The following SHISA6 variants were observed in gnomAD, a reference collection of about 807,000 sequenced individuals.
SHISA6 encodes shisa family member 6, also known as protein shisa-6.
Under a neutral mutation model 47.9 loss-of-function variants are expected in SHISA6, and 22 were observed. That is an observed-to-expected ratio of 0.46 (90% CI 0.33 to 0.66). The LOEUF is 0.66. Ranked by LOEUF, SHISA6 falls within the 30% of genes least tolerant of loss-of-function variation. The probability of loss-of-function intolerance (pLI) is 0.02; values close to 1 mark genes in which losing one functional copy is unlikely to be tolerated. For missense variants in SHISA6, 680 were observed against 764.6 expected, an observed-to-expected ratio of 0.89 and a Z score of 1.30; for synonymous variants, 388 against 337.8, an observed-to-expected ratio of 1.15 and a Z score of -1.63.
rs73976937 is a variant in SHISA6 at position 11,319,498 on chromosome 17, T to C, written c.799+55972T>C. Among the ~76,000 whole-genome samples the C allele has an allele frequency of 9.3e-3, 1,410 of 152,366 alleles. 19 individuals carry two copies. The highest frequency in any genetic ancestry group is 0.032 in the African/African-American group (1,345 of 41,586). On this transcript the variant is annotated intron_variant, in intron 2 of 5. Transcript: ENST00000441885. ...TTCTGTTTCTTGAGTTCACTCTATC[T>C]TCAGGGATTCTTTAGTTGGTTCGCT...
chr17:11,456,073 C>T (rs1419479419), intron 3 of SHISA6, among the ~76,000 whole-genome samples: 1 of 152,166 alleles, frequency 6.6e-6, no homozygotes, highest in Non-Finnish European at 1.5e-5. Context: ...GTAAACCCAT[C>T]GCTTTACCTT....
At chr17:11,468,520 T>C (rs1431217493) in intron 3 of SHISA6, among the ~76,000 whole-genome samples, 1 of 152,010 alleles carries the variant, frequency 6.6e-6, no homozygotes, top group African/African-American at 2.4e-5. Context: ...ACACTAATCT[T>C]AGGAGAAGGG....
chr17:11,375,411 C>T (rs181212497), intron 2 of SHISA6, among the ~76,000 whole-genome samples: 26 of 152,160 alleles, frequency 1.7e-4, no homozygotes, highest in African/African-American at 4.8e-4. Flanking sequence ...CTTGTGTATC[C>T]GTTCTCTAGT....
chr17:11,468,903 C>A (rs946958118), intron 3 of SHISA6, among the ~76,000 whole-genome samples: 1 of 150,606 alleles, frequency 6.6e-6, no homozygotes, highest in African/African-American at 2.5e-5. Flanking sequence ...AGCCTGTAAT[C>A]CCAGCTACTC....
At chr17:11,404,917 C>T (rs377719525) in intron 3 of SHISA6, among the ~76,000 whole-genome samples, 1 of 152,092 alleles carries the variant, frequency 6.6e-6, no homozygotes, top group East Asian at 1.9e-4. Flanking sequence ...TGTGGAACTC[C>T]CTTTATGTGA....
At chr17:11,427,347 C>G (rs907688591) in intron 3 of SHISA6, among the ~76,000 whole-genome samples, 1 of 152,136 alleles carries the variant, frequency 6.6e-6, no homozygotes, top group Non-Finnish European at 1.5e-5. Context: ...GTTGTCCAGG[C>G]TGGTCTTGAA....
intron 2 of SHISA6, among the ~76,000 whole-genome samples, chr17:11,309,555 G>A (rs1910246395): frequency 6.6e-6 from 1 of 152,168 alleles, no homozygotes; most frequent in South Asian, 2.1e-4. Context: ...ATGCTTTGAT[G>A]TTTTAACTTC....
At chr17:11,248,496 C>T (rs959976703) in intron 1 of SHISA6, among the ~76,000 whole-genome samples, 1 of 152,124 alleles carries the variant, frequency 6.6e-6, no homozygotes, top group Non-Finnish European at 1.5e-5. Flanking sequence ...ATATATTCTG[C>T]TTCTTTACTC....
chr17:11,372,753 GT>G (rs1912669413), intron 2 of SHISA6, among the ~76,000 whole-genome samples: 1 of 151,940 alleles, frequency 6.6e-6, no homozygotes, highest in South Asian at 2.1e-4. Flanking sequence ...TTTGTCTGTG[GT>G]ATATTTTTCC....
chr17:11,394,314 G>C (rs1328268881), intron 3 of SHISA6, among the ~76,000 whole-genome samples: 1 of 152,136 alleles, frequency 6.6e-6, no homozygotes, highest in Admixed American at 6.5e-5. Flanking sequence ...TTCTGAGTCT[G>C]CACCTCCGTA....
chr17:11,286,606 T>C (rs1170452267), intron 2 of SHISA6, among the ~76,000 whole-genome samples: 4 of 152,218 alleles, frequency 2.6e-5, no homozygotes, highest in African/African-American at 9.6e-5. Flanking sequence ...GAAAGAAATG[T>C]TTCTGGGGAA....
chr17:11,308,436 G>GT (rs1461407665), intron 2 of SHISA6, among the ~76,000 whole-genome samples: 2 of 152,068 alleles, frequency 1.3e-5, no homozygotes, highest in African/African-American at 2.4e-5. Context: ...CAGGAGCGTG[G>GT]TTTTCTCCCT....
chr17:11,540,853 C>A (rs2071827635), intron 3 of SHISA6, among the ~76,000 whole-genome samples: 1 of 152,180 alleles, frequency 6.6e-6, no homozygotes, highest in Non-Finnish European at 1.5e-5. Context: ...CAGATATATA[C>A]CAACACCCAA....
chr17:11,442,703 C>T (rs1048868834), intron 3 of SHISA6, among the ~76,000 whole-genome samples: 11 of 152,110 alleles, frequency 7.2e-5, no homozygotes, highest in African/African-American at 2.4e-4. Context: ...CTAAGTTTGC[C>T]TTTGGACAGG....
chr17:11,534,603 C>T (rs140486452), intron 3 of SHISA6, among the ~76,000 whole-genome samples: 281 of 152,080 alleles, frequency 1.8e-3, no homozygotes, highest in African/African-American at 5.4e-3. Flanking sequence ...AATGACAGAG[C>T]AGAGGAGAGT....
intron 1 of SHISA6, among the ~76,000 whole-genome samples, chr17:11,243,925 C>T (rs948055025): frequency 2.0e-5 from 3 of 152,214 alleles, no homozygotes; most frequent in African/African-American, 4.8e-5. Context: ...TTCCACCTCA[C>T]ACAGTTTATT....
intron 2 of SHISA6, among the ~76,000 whole-genome samples, chr17:11,298,027 A>G (rs1909808478): frequency 6.6e-6 from 1 of 152,206 alleles, no homozygotes; most frequent in Admixed American, 6.5e-5. Flanking sequence ...AAAGATCATC[A>G]TAATTGTTTC....
At position 11,251,600 on chromosome 17, in the gene SHISA6, A is replaced by G. The variant is rs146495305; in HGVS notation, c.638+9540A>G. Among the ~76,000 whole-genome samples, 419 of 152,198 alleles carry G rather than the reference A, an allele frequency of 2.8e-3. 4 individuals are homozygous for G. Among genetic ancestry groups the G allele is most frequent in the African/African-American group, 9.5e-3 (395 of 41,520 alleles). ...TTACTGAGATGTAGAGCTCACAAACAGCTCCATTTATCACAACTCTCCCAC... is the reference window on the plus strand; with the variant it reads ...TTACTGAGATGTAGAGCTCACAAACGGCTCCATTTATCACAACTCTCCCAC... On this transcript the variant is annotated intron_variant, in intron 1 of 5. Transcript: ENST00000441885.
chr17:11,388,953 A>G (rs1306363469), intron 3 of SHISA6, among the ~76,000 whole-genome samples: 3 of 151,668 alleles, frequency 2.0e-5, no homozygotes, highest in African/African-American at 7.3e-5. Context: ...TCCCTTTCCC[A>G]TATGGGTTCT....
Sources: allele counts gnomAD v4.1 joint callset (sites outside exome capture counted in the v4.1 genomes callset), GRCh38; gene constraint gnomAD v4.1.1; transcripts MANE v1.5; gene names NCBI Gene and HGNC (gene_info 2026-07-23, HGNC 2026-07-21).